Variants in GLIS3 observed in about 807,000 individuals in gnomAD.
GLIS3 encodes the protein GLIS family zinc finger 3, also known as zinc finger protein GLIS3.
A neutral mutation model predicts 78.6 loss-of-function variants in GLIS3; 53 were observed. That is an observed-to-expected ratio of 0.67 (90% CI 0.54 to 0.85). The LOEUF (loss-of-function observed/expected upper bound fraction) is 0.85, where lower values mean the gene tolerates loss of function less well. Ranked by LOEUF, GLIS3 falls within the 40% of genes least tolerant of loss-of-function variation. The pLI is 0.00. For missense variants in GLIS3, 1,703 were observed against 1,231.1 expected (o/e 1.38, Z -5.74); for synonymous variants, 684 against 509.9 (o/e 1.34, Z -4.60).
intron 2 of GLIS3, among the ~76,000 whole-genome samples, chr9:4,321,417 G>C (rs71490232): frequency 5.2e-5 from 1 of 19,162 alleles, no homozygotes; most frequent in Non-Finnish European, 7.8e-5. Flanking sequence ...GCTAGACTCC[G>C]TCTCAAAAAA....
chr9:3,992,827 C>T (rs1406329667), intron 4 of GLIS3, among the ~76,000 whole-genome samples: 1 of 152,150 alleles, frequency 6.6e-6, no homozygotes, highest in Non-Finnish European at 1.5e-5. Flanking sequence ...CTACCATGAC[C>T]AATTCTGATA....
intron 2 of GLIS3, among the ~76,000 whole-genome samples, chr9:4,250,337 G>C (rs1249049101): frequency 6.6e-6 from 1 of 152,142 alleles, no homozygotes; most frequent in Non-Finnish European, 1.5e-5. Flanking sequence ...TCCTGGTTTA[G>C]TCTTGAGAGG....
At chr9:4,061,418 A>G (rs1826647585) in intron 4 of GLIS3, among the ~76,000 whole-genome samples, 1 of 152,132 alleles carries the variant, frequency 6.6e-6, no homozygotes, top group African/African-American at 2.4e-5. Flanking sequence ...GCTGCATAGT[A>G]TTCCATGGTG....
chr9:4,394,080 TAAAAA>T, the GLIS3 span, among the ~76,000 whole-genome samples: 1 of 151,318 alleles, frequency 6.6e-6, no homozygotes, highest in African/African-American at 2.4e-5. Flanking sequence ...ATTTGTCTCT[TAAAAA>T]AAAGAAAAAG....
chr9:4,074,943 G>T (rs1283267662), intron 4 of GLIS3, among the ~76,000 whole-genome samples: 1 of 152,114 alleles, frequency 6.6e-6, no homozygotes, highest in Non-Finnish European at 1.5e-5. Flanking sequence ...TCTCCTTTAA[G>T]AGACTTGCTC....
chr9:4,117,746 C>T lies in GLIS3; in HGVS notation c.1710+22G>A, dbSNP rs1831779275. 5 of 1,614,132 alleles carry T rather than the reference C, an allele frequency of 3.1e-6. No homozygotes were observed. In the East Asian group the frequency reaches 1.1e-4, roughly 36 times the overall value. ...AAGCCGGGCCTTCAAGAGAGGTCAC[C>T]CCTTGCGCTTCGGAAACTCACCGTA... On this transcript the variant is annotated intron_variant, in intron 4 of 10. Transcript: ENST00000381971.
the GLIS3 span, among the ~76,000 whole-genome samples, chr9:4,380,569 C>A: frequency 6.6e-6 from 1 of 152,202 alleles, no homozygotes; most frequent in African/African-American, 2.4e-5. Flanking sequence ...GTTAACTATG[C>A]AGATTTCCGG....
At chr9:4,450,327 T>A in the GLIS3 span, among the ~76,000 whole-genome samples, 1 of 152,134 alleles carries the variant, frequency 6.6e-6, no homozygotes, top group Non-Finnish European at 1.5e-5. Flanking sequence ...GAACAAAGCC[T>A]CCAAGAAATA....
chr9:3,833,905 T>A (rs188357514), intron 9 of GLIS3, among the ~76,000 whole-genome samples: 101 of 152,302 alleles, frequency 6.6e-4, no homozygotes, highest in Middle Eastern at 6.8e-3. Context: ...TTGGGAAGTT[T>A]TTTTTCCCCC....
chr9:4,480,459 G>A, the GLIS3 span, among the ~76,000 whole-genome samples: 31 of 151,954 alleles, frequency 2.0e-4, no homozygotes, highest in African/African-American at 6.0e-4. Context: ...TTATGGCCTC[G>A]CAAAGTGCTA....
intron 4 of GLIS3, among the ~76,000 whole-genome samples, chr9:4,050,117 T>C (rs1312707281): frequency 6.6e-6 from 1 of 152,114 alleles, no homozygotes; most frequent in African/African-American, 2.4e-5. Flanking sequence ...CAAAGGTTTA[T>C]AAATCATGCC....
intron 2 of GLIS3, among the ~76,000 whole-genome samples, chr9:4,167,622 T>A (rs995833476): frequency 1.3e-5 from 2 of 152,134 alleles, no homozygotes; most frequent in Non-Finnish European, 2.9e-5. Context: ...AAAGTGAGGA[T>A]TAGAAAGATT....
chr9:4,262,084 T>C (rs892899069), intron 2 of GLIS3, among the ~76,000 whole-genome samples: 6 of 151,990 alleles, frequency 3.9e-5, no homozygotes, highest in Non-Finnish European at 7.4e-5. Flanking sequence ...CCCGGTCTAG[T>C]CCAAACAGTC....
chr9:3,997,923 A>C (rs2129875700), intron 4 of GLIS3, among the ~76,000 whole-genome samples: 1 of 152,304 alleles, frequency 6.6e-6, no homozygotes, highest in South Asian at 2.1e-4. Context: ...AAATGCATAT[A>C]GATTATATAA....
intron 4 of GLIS3, among the ~76,000 whole-genome samples, chr9:4,008,319 G>A (rs989658928): frequency 3.9e-5 from 6 of 152,114 alleles, no homozygotes; most frequent in African/African-American, 1.2e-4. Context: ...GGCATCTCAG[G>A]CAGGCTCAGA....
chr9:3,950,509 T>G (rs927706802), intron 4 of GLIS3, among the ~76,000 whole-genome samples: 3 of 152,246 alleles, frequency 2.0e-5, no homozygotes, highest in Admixed American at 1.3e-4. Context: ...AAGGGCACCA[T>G]GCCCCTTCCC....
At chr9:4,407,404 G>A in the GLIS3 span, among the ~76,000 whole-genome samples, 14 of 152,218 alleles carry the variant, frequency 9.2e-5, 1 homozygote, top group Admixed American at 5.9e-4. Flanking sequence ...CCAGCACTTC[G>A]GGAGGCCGAG....
At position 4,125,747 on chromosome 9, in the gene GLIS3, G is replaced by T; in HGVS notation, c.583C>A (p.Pro195Thr). Residue 195 changes from proline to threonine, a missense_variant, in exon 3 of 11, where the codon CCT becomes ACT. By Grantham distance (38) the Pro-to-Thr change is conservative. Coordinates refer to ENST00000381971, the MANE Select transcript of GLIS3 (RefSeq NM_001042413.2). The part of the protein sequence containing the change: ...AMNAANLNIP[P>T]SDTRSLISRE... ...TTAACTTGAGACCTGGTATCTGAAGGAGGTATATTCAGGTTGGCTGCATTC... is the reference window on the plus strand; with the variant it reads ...TTAACTTGAGACCTGGTATCTGAAGTAGGTATATTCAGGTTGGCTGCATTC... The T allele has an allele frequency of 2.5e-6, 4 of 1,613,290 alleles. No homozygotes were observed. The highest frequency in any genetic ancestry group is 3.4e-6 in the Non-Finnish European group (4 of 1,179,562).
chr9:4,272,216 A>G (rs1002629641), intron 2 of GLIS3, among the ~76,000 whole-genome samples: 3 of 152,172 alleles, frequency 2.0e-5, no homozygotes, highest in Non-Finnish European at 4.4e-5. Context: ...TCACATAGAC[A>G]CAAACACCTG....
Sources: gnomAD v4.1 joint callset for allele counts (sites outside exome capture counted in the v4.1 genomes callset) on GRCh38, gnomAD v4.1.1 for gene constraint, MANE v1.5 for transcripts, NCBI Gene and HGNC (gene_info 2026-07-23, HGNC 2026-07-21) for gene names.